Variants in TCF7L2 observed in about 807,000 individuals in gnomAD.
TCF7L2 encodes the protein transcription factor 7 like 2.
A neutral mutation model predicts 77.9 loss-of-function variants in TCF7L2; 23 were observed. The observed-to-expected ratio is 0.30, with a 90% confidence interval of 0.21 to 0.42. TCF7L2 has a LOEUF of 0.42. Among genes scored for constraint, TCF7L2 ranks in the 10% least tolerant of loss-of-function variants. The pLI is 1.00. For synonymous variants in TCF7L2, 413 were observed against 340.2 expected (o/e 1.21, Z -2.36); for missense variants, 654 against 793.1 (o/e 0.82, Z 2.11).
intron 5 of TCF7L2, among the ~76,000 whole-genome samples, chr10:113,050,698 C>CA (rs1363609207): frequency 6.6e-6 from 1 of 152,134 alleles, no homozygotes. Flanking sequence ...GAAGGAATGT[C>CA]TGAGACTCAG....
At chr10:113,005,019 T>TG (rs1347491810) in intron 4 of TCF7L2, among the ~76,000 whole-genome samples, 1 of 152,218 alleles carries the variant, frequency 6.6e-6, no homozygotes, top group Non-Finnish European at 1.5e-5. Flanking sequence ...CAGAAAGTCT[T>TG]GCTCTGTAAG....
intron 4 of TCF7L2, among the ~76,000 whole-genome samples, chr10:112,984,397 TC>T (rs1404701521): frequency 1.3e-5 from 2 of 152,148 alleles, no homozygotes; most frequent in Non-Finnish European, 2.9e-5. Flanking sequence ...CCTCCTTTAC[TC>T]TAATTTGTCC....
At chr10:113,124,891 A>G (rs190190240) in intron 5 of TCF7L2, among the ~76,000 whole-genome samples, 52 of 151,722 alleles carry the variant, frequency 3.4e-4, no homozygotes, top group African/African-American at 1.2e-3. Flanking sequence ...TCTAGCGGGC[A>G]CTCTTTCCGA....
chr10:112,953,553 A>G (rs947660337), intron 3 of TCF7L2, among the ~76,000 whole-genome samples: 7 of 152,136 alleles, frequency 4.6e-5, no homozygotes, highest in Non-Finnish European at 7.4e-5. Context: ...CCTCCCTGGT[A>G]TTATTTTAAA....
chr10:113,088,249 A>G (rs2060032724), intron 5 of TCF7L2, among the ~76,000 whole-genome samples: 1 of 152,116 alleles, frequency 6.6e-6, no homozygotes, highest in South Asian at 2.1e-4. Flanking sequence ...GAGCCTGTTT[A>G]TAGAGCCATA....
At chr10:113,010,527 A>C (rs1238100817) in intron 4 of TCF7L2, among the ~76,000 whole-genome samples, 1 of 152,162 alleles carries the variant, frequency 6.6e-6, no homozygotes, top group Non-Finnish European at 1.5e-5. Context: ...GCATCATCTC[A>C]ATTCTCACAC....
intron 5 of TCF7L2, among the ~76,000 whole-genome samples, chr10:113,097,565 A>G (rs1442390082): frequency 2.7e-5 from 4 of 150,388 alleles, no homozygotes; most frequent in African/African-American, 9.8e-5. Context: ...AGGCAGAAGA[A>G]TCACCTGAAC....
intron 4 of TCF7L2, among the ~76,000 whole-genome samples, chr10:113,033,778 A>G (rs1039815401): frequency 6.6e-6 from 1 of 152,334 alleles, no homozygotes; most frequent in Non-Finnish European, 1.5e-5. Flanking sequence ...GTTTTTACTT[A>G]GAGCAAAGCA....
Position 113,165,717 on chromosome 10 carries a change from G to T in TCF7L2, c.1554G>T (p.Ser518=). Reference sequence around the variant, plus strand: ...AGACTGAGCAGACCCAGCCTCTGTCGCTGTCCCTGAAGCCCGACCCCCTGG... The same window carrying T: ...AGACTGAGCAGACCCAGCCTCTGTCTCTGTCCCTGAAGCCCGACCCCCTGG... Residue 518 remains serine, a synonymous_variant, in exon 14 of 14, where the codon TCG becomes TCT. Transcript: ENST00000627217. The T allele has an allele frequency of 6.2e-7, 1 of 1,605,328 alleles. No homozygotes were observed. Among genetic ancestry groups the T allele is most frequent in the Non-Finnish European group, 8.5e-7 (1 of 1,178,330 alleles).
At chr10:113,015,509 G>T (rs1485248332) in intron 4 of TCF7L2, among the ~76,000 whole-genome samples, 2 of 149,886 alleles carry the variant, frequency 1.3e-5, no homozygotes, top group Non-Finnish European at 3.0e-5. Flanking sequence ...GAGTGCAGTG[G>T]CATGAAAACA....
intron 4 of TCF7L2, among the ~76,000 whole-genome samples, chr10:113,018,962 T>C (rs1425989995): frequency 6.6e-6 from 1 of 152,070 alleles, no homozygotes; most frequent in Non-Finnish European, 1.5e-5. Flanking sequence ...GTGGGTGTGA[T>C]GGTGGAAACC....
intron 5 of TCF7L2, among the ~76,000 whole-genome samples, chr10:113,060,786 G>T (rs1289211751): frequency 6.6e-6 from 1 of 152,024 alleles, no homozygotes; most frequent in East Asian, 1.9e-4. Flanking sequence ...GTTGGAAAGA[G>T]GCGCTGTGTC....
chr10:113,123,208 G>A (rs2065061963), intron 5 of TCF7L2, among the ~76,000 whole-genome samples: 1 of 152,234 alleles, frequency 6.6e-6, no homozygotes, highest in African/African-American at 2.4e-5. Context: ...TAGTGCTGAT[G>A]CGGTCGTGCT....
intron 5 of TCF7L2, among the ~76,000 whole-genome samples, chr10:113,101,791 C>G (rs1188359711): frequency 6.9e-6 from 1 of 144,144 alleles, no homozygotes; most frequent in Non-Finnish European, 1.5e-5. Context: ...TGCAGTGAGC[C>G]GAGATTGTGC....
At chr10:112,957,522 A>G (rs1042554674) in intron 3 of TCF7L2, among the ~76,000 whole-genome samples, 4 of 152,176 alleles carry the variant, frequency 2.6e-5, no homozygotes, top group Admixed American at 6.5e-5. Context: ...AAAAGTAGCC[A>G]GAGGAGACAG....
At chr10:113,019,207 C>G (rs2047872334) in intron 4 of TCF7L2, among the ~76,000 whole-genome samples, 1 of 152,194 alleles carries the variant, frequency 6.6e-6, no homozygotes, top group Admixed American at 6.5e-5. Flanking sequence ...TTGGACACAC[C>G]ATGGTGACAG....
chr10:113,066,361 G>A (rs1337994894), intron 5 of TCF7L2, among the ~76,000 whole-genome samples: 5 of 148,410 alleles, frequency 3.4e-5, no homozygotes, highest in South Asian at 2.1e-4. Flanking sequence ...GCAAAAGTCC[G>A]TCTCAAAAAA....
chr10:113,166,012 G>T lies in TCF7L2; in HGVS notation c.*40G>T, dbSNP rs780302754. On this transcript the variant is annotated 3_prime_UTR_variant, in exon 14 of 14. Coordinates refer to ENST00000627217, the MANE Select transcript of TCF7L2 (RefSeq NM_001146274.2). ...ACCCCGCTGCTTTGTTTATGGTTTT[G>T]TTTCACTTTTCTTAATTTGCCCCCC... 1.4e-6 allele frequency: 2 copies of T among 1,417,706 alleles called. No homozygotes were observed. Among genetic ancestry groups the T allele is most frequent in the East Asian group, 5.0e-5 (2 of 39,740 alleles). 87.8% of individuals were successfully genotyped at this position (1,417,706 alleles called of 1,614,324 possible). A position where few individuals can be genotyped will look rare whatever the true frequency, so the allele number is the denominator to read the frequency against.
intron 4 of TCF7L2, among the ~76,000 whole-genome samples, chr10:113,025,971 C>T (rs1023635235): frequency 6.6e-6 from 1 of 151,766 alleles, no homozygotes; most frequent in Non-Finnish European, 1.5e-5. Context: ...CTCTGCCTCC[C>T]GGGTTCAAGT....
Sources: allele counts gnomAD v4.1 joint callset (sites outside exome capture counted in the v4.1 genomes callset), GRCh38; gene constraint gnomAD v4.1.1; transcripts MANE v1.5; gene names NCBI Gene and HGNC (gene_info 2026-07-23, HGNC 2026-07-21).